The following RBBP4 variants were observed in gnomAD, a reference collection of about 807,000 sequenced individuals.
The protein encoded by RBBP4 is histone-binding protein RBBP4.
In RBBP4, 3 loss-of-function variants were observed where a neutral mutation model predicts 57.2. The observed-to-expected ratio is 0.05, with a 90% CI of 0.02 to 0.14. The LOEUF (loss-of-function observed/expected upper bound fraction) is 0.14, where lower values mean the gene tolerates loss of function less well. Ranked by LOEUF, RBBP4 falls within the 10% of genes least tolerant of loss-of-function variation. RBBP4 has a pLI of 1.00. For synonymous variants in RBBP4, 151 were observed against 171.5 expected, an observed-to-expected ratio of 0.88 and a Z score of 0.93; for missense variants, 107 against 520.6, an observed-to-expected ratio of 0.21 and a Z score of 7.73.
rs150501266 is a variant in RBBP4, at chr1:32,651,930, A to C, written c.33A>C (p.Ala11=). The change falls in exon 2 of 12, where the codon GCA becomes GCC. Residue 11 remains alanine, a synonymous_variant. Coordinates refer to ENST00000373493, the MANE Select transcript of RBBP4 (RefSeq NM_005610.3). ...AAATTTTAGCAGCCTTCGACGACGC[A>C]GTGGAAGAACGAGTGATCAACGAGG... The part of the protein sequence containing the change: MADKEAAFDD[A]VEERVINEEY... 34 of 1,613,770 alleles carry C rather than the reference A, an allele frequency of 2.1e-5. No individual in the cohort carries two copies. The African/African-American group carries it at 2.9e-4, about 14-fold the overall frequency.
At chr1:32,658,948 T>C (rs202169783) in intron 3 of RBBP4, among the ~76,000 whole-genome samples, 1 of 5,322 alleles carries the variant, frequency 1.9e-4, no homozygotes, top group African/African-American at 2.2e-4. Context: ...TATATAAACA[T>C]ACGTATATAT....
At position 32,672,488 on chromosome 1, in the gene RBBP4, C is replaced by T. The variant is rs751264389; in HGVS notation, c.1005C>T (p.Ser335=). The change falls in exon 9 of 12, where the codon TCC becomes TCT. Residue 335 remains serine (S), a synonymous_variant. Transcript: ENST00000373493. ...WSPHNETILA[S]SGTDRRLNVW... ...CTCACAATGAGACTATTTTAGCTTCCAGTGGTACTGATCGCAGACTGAATG... is the reference window on the plus strand; with the variant it reads ...CTCACAATGAGACTATTTTAGCTTCTAGTGGTACTGATCGCAGACTGAATG... The T allele has an allele frequency of 4.3e-6, 7 of 1,611,302 alleles. No individual in the cohort carries two copies. In the African/African-American group the frequency reaches 8.0e-5, roughly 18 times the overall value.
At position 32,681,719 on chromosome 1, in the gene RBBP4, C is replaced by T. The variant is rs1049861449; in HGVS notation, c.*2014C>T. 3.0e-5 allele frequency: 45 copies of T among 1,480,794 alleles called. No homozygotes were observed. The African/African-American group carries it at 6.1e-4, about 20-fold the overall frequency. The allele number at this position is 1,480,794 out of a possible 1,614,324, so 91.7% of individuals were successfully genotyped here. Reference sequence around the variant, plus strand: ...GCAGGTCAGCCAGTATTTGCAACTTCCACAGGATGAATTGCTTGCCAAGTT... The same window carrying T: ...GCAGGTCAGCCAGTATTTGCAACTTTCACAGGATGAATTGCTTGCCAAGTT... On this transcript the variant is annotated 3_prime_UTR_variant, in exon 12 of 12. Transcript: ENST00000373493.
At chr1:32,670,761 G>C (rs1648840834) in intron 8 of RBBP4, among the ~76,000 whole-genome samples, 1 of 152,152 alleles carries the variant, frequency 6.6e-6, no homozygotes, top group Non-Finnish European at 1.5e-5. Context: ...TATAGTGAGG[G>C]AGGGCTTGTT....
Position 32,654,438 on chromosome 1 carries a change from A to G in RBBP4, c.164+2377A>G, listed in dbSNP as rs1291499128. The stretch of plus-strand genomic sequence containing the variant: ...AAGTGTACTGGAATGGTGATTCCAC[A>G]TTTACTATAGTCATATGCTAAATTG... On this transcript the variant is annotated intron_variant, in intron 2 of 11. Coordinates refer to ENST00000373493, the MANE Select transcript of RBBP4 (RefSeq NM_005610.3). Among the ~76,000 whole-genome samples the G allele has an allele frequency of 2.6e-5, 4 of 152,196 alleles. No homozygotes were observed. In the East Asian group the frequency reaches 7.7e-4, roughly 29 times the overall value.
intron 11 of RBBP4, among the ~76,000 whole-genome samples, chr1:32,678,737 G>A (rs1026308285): frequency 4.6e-5 from 7 of 151,474 alleles, no homozygotes; most frequent in African/African-American, 1.5e-4. Flanking sequence ...CCACAGGGGT[G>A]CACCCCCACA....
At position 32,684,602 on chromosome 1, in the gene RBBP4, T is replaced by C. The variant is rs1456160483; in HGVS notation, c.*4897T>C. 3.5e-6 allele frequency: 2 copies of C among 576,634 alleles called. No homozygotes were observed. Among genetic ancestry groups the C allele is most frequent in the Non-Finnish European group, 2.9e-6 (1 of 340,662 alleles). The allele number at this position is 576,634 out of a possible 1,614,324, so 35.7% of individuals were successfully genotyped here. A position where few individuals can be genotyped will look rare whatever the true frequency, so the allele number is the denominator to read the frequency against. The stretch of plus-strand genomic sequence containing the variant: ...ATGATGACGAAAAAGGCATCTTGTC[T>C]GTTAACCACAGCTTGCTTTAATAGA... On this transcript the variant is annotated 3_prime_UTR_variant, in exon 12 of 12. Coordinates refer to ENST00000373493, the MANE Select transcript of RBBP4 (RefSeq NM_005610.3).
In RBBP4 at chr1:32,651,337, G is replaced by A; in HGVS notation, c.16+15G>A. The A allele has an allele frequency of 1.4e-6, 2 of 1,454,018 alleles. No individual in the cohort carries two copies. The highest frequency in any genetic ancestry group is 2.7e-5 in the Admixed American group (1 of 36,504). The allele number at this position is 1,454,018 out of a possible 1,614,324, so 90.1% of individuals were successfully genotyped here. On this transcript the variant is annotated intron_variant, in intron 1 of 11. Coordinates refer to ENST00000373493, the MANE Select transcript of RBBP4 (RefSeq NM_005610.3). Reference sequence around the variant, plus strand: ...CGACAAGGAAGGTGAGGGTGCCGGGGCCGACCCAGGAGGGCAGTGGGTGCC... The same window carrying A: ...CGACAAGGAAGGTGAGGGTGCCGGGACCGACCCAGGAGGGCAGTGGGTGCC...
rs1322714553 is a variant in RBBP4 at position 32,651,302 on chromosome 1, C to T, written c.-5C>T. 1.4e-6 allele frequency: 2 copies of T among 1,474,246 alleles called. No homozygotes were observed. Among genetic ancestry groups the T allele is most frequent in the Non-Finnish European group, 1.8e-6 (2 of 1,113,408 alleles). The allele number at this position is 1,474,246 out of a possible 1,614,324, so 91.3% of individuals were successfully genotyped here. On this transcript the variant is annotated 5_prime_UTR_variant, in exon 1 of 12. Coordinates refer to ENST00000373493, the MANE Select transcript of RBBP4 (RefSeq NM_005610.3). Reference sequence around the variant, plus strand: ...CCCAGGATTCCCCCGGCTCGCCTGCCCGCCATGGCCGACAAGGAAGGTGAG... The same window carrying T: ...CCCAGGATTCCCCCGGCTCGCCTGCTCGCCATGGCCGACAAGGAAGGTGAG...
intron 11 of RBBP4, 118 bp downstream of exon 11, chr1:32,673,019 T>C (rs1648940531): frequency 2.4e-6 from 2 of 817,260 alleles, no homozygotes; most frequent in African/African-American, 3.5e-5. Context: ...CCAGGTGTGA[T>C]TTTAAGACTT....
chr1:32,681,893 G>T lies in RBBP4; in HGVS notation c.*2188G>T. ...GTTGAAAGAAAAAGTTTATAACAGT[G>T]AACTTCTGAGGTTTAGTTACTGCAG... is the stretch of plus-strand genomic sequence containing the variant. On this transcript the variant is annotated 3_prime_UTR_variant, in exon 12 of 12. Transcript: ENST00000373493. 1.3e-6 allele frequency: 2 copies of T among 1,587,744 alleles called. No individual in the cohort carries two copies. Among genetic ancestry groups the T allele is most frequent in the South Asian group, 1.1e-5 (1 of 90,492 alleles).
intron 3 of RBBP4, among the ~76,000 whole-genome samples, chr1:32,661,060 C>A (rs1351275972): frequency 4.6e-5 from 7 of 152,112 alleles, no homozygotes; most frequent in Non-Finnish European, 8.8e-5. Context: ...GCAATTCACC[C>A]ACTTTGGCTT....
intron 8 of RBBP4, 24 bp from the exon 9 acceptor site, chr1:32,672,425 CT>C: frequency 6.6e-7 from 1 of 1,507,468 alleles, no homozygotes; most frequent in Non-Finnish European, 9.0e-7. Flanking sequence ...CATGGCTTTG[CT>C]CTTTTCTTCA....
In RBBP4 at chr1:32,681,193, G is replaced by A. The variant is rs1328697046; in HGVS notation, c.*1488G>A. 1 of 152,396 alleles carries A rather than the reference G, an allele frequency of 6.6e-6. No homozygotes were observed. Among genetic ancestry groups the A allele is most frequent in the Non-Finnish European group, 1.5e-5 (1 of 68,134 alleles). The allele number at this position is 152,396 out of a possible 1,614,324, so 9.4% of individuals were successfully genotyped here. ...TCTGACCCAGAACTACTTTCATGAG[G>A]TAAGATCTTTGGGAAAATCTGAATA... On this transcript the variant is annotated 3_prime_UTR_variant, in exon 12 of 12. Coordinates refer to ENST00000373493, the MANE Select transcript of RBBP4 (RefSeq NM_005610.3).
chr1:32,677,051 G>A (rs1183517468), intron 11 of RBBP4, among the ~76,000 whole-genome samples: 2 of 152,190 alleles, frequency 1.3e-5, no homozygotes, highest in Non-Finnish European at 2.9e-5. Flanking sequence ...AATAGAGTAA[G>A]TAAATATTTG....
chr1:32,664,093 A>AT (rs1570850709), intron 3 of RBBP4, among the ~76,000 whole-genome samples: 1 of 151,344 alleles, frequency 6.6e-6, no homozygotes, highest in East Asian at 2.0e-4. Context: ...CGCCCGGCTA[A>AT]TTTTTTTTGT....
At position 32,669,226 on chromosome 1, in the gene RBBP4, T is replaced by C. The variant is rs775532306; in HGVS notation, c.762-5T>C. On this transcript the variant is annotated splice_region_variant and splice_polypyrimidine_tract_variant and intron_variant, in intron 6 of 11. Transcript: ENST00000373493. The surrounding 1 kb of genome is among the most constrained non-coding windows in gnomAD (Gnocchi z 4.9). ...TTTTTTTCCTTTGTTTTTTTTTCACTGAAGTTGGGATACTCGTTCAAACAA... is the reference window on the plus strand; with the variant it reads ...TTTTTTTCCTTTGTTTTTTTTTCACCGAAGTTGGGATACTCGTTCAAACAA... The C allele has an allele frequency of 6.2e-7, 1 of 1,609,586 alleles. No homozygotes were observed. Among genetic ancestry groups the C allele is most frequent in the Admixed American group, 1.7e-5 (1 of 58,828 alleles).
In RBBP4 at chr1:32,683,288, G is replaced by T. The variant is rs567688992; in HGVS notation, c.*3583G>T. 4 of 140,278 alleles carry T rather than the reference G, an allele frequency of 2.9e-5. No homozygotes were observed. Among genetic ancestry groups the T allele is most frequent in the African/African-American group, 1.0e-4 (4 of 38,614 alleles). The allele number at this position is 140,278 out of a possible 1,614,324, so 8.7% of individuals were successfully genotyped here. On this transcript the variant is annotated 3_prime_UTR_variant, in exon 12 of 12. Transcript: ENST00000373493. The stretch of plus-strand genomic sequence containing the variant: ...TCAAAAAAAAAAAAAAAAAAAAAGA[G>T]TAAGTCTGTGTAACATGAACATCTC...
chr1:32,656,723 G>C (rs1053821209), intron 2 of RBBP4, among the ~76,000 whole-genome samples: 2 of 152,166 alleles, frequency 1.3e-5, no homozygotes, highest in Admixed American at 1.3e-4. Context: ...TTGGAGCGAT[G>C]TGTCCATTGA....
Sources: gnomAD v4.1 joint callset for allele counts (sites outside exome capture counted in the v4.1 genomes callset) on GRCh38, gnomAD v4.1.1 for gene constraint, Gnocchi (gnomAD v3.1) non-coding constraint, MANE v1.5 for transcripts, NCBI Gene and HGNC (gene_info 2026-07-23, HGNC 2026-07-21) for gene names.